The following FRK variants were observed in gnomAD, a reference collection of about 807,000 sequenced individuals.
FRK encodes fyn related Src family tyrosine kinase.
Under a neutral mutation model 56.4 loss-of-function variants are expected in FRK, and 51 were observed. That is an observed-to-expected ratio of 0.90 (90% CI 0.72 to 1.14). The LOEUF is 1.14. FRK is among the 50% of genes most tolerant of loss of function. The pLI is 0.00. For synonymous variants in FRK, 245 were observed against 217.9 expected (o/e 1.12, Z -1.10); for missense variants, 570 against 601.4 (o/e 0.95, Z 0.55).
At chr6:116,076,283 AATTT>A in the FRK span, among the ~76,000 whole-genome samples, 1 of 152,216 alleles carries the variant, frequency 6.6e-6, no homozygotes. Flanking sequence ...ATGTATATCA[AATTT>A]ATTTATGCAA....
At position 116,023,737 on chromosome 6, in the gene FRK, G is replaced by A. The variant is rs73562554; in HGVS notation, c.345-19739C>T. On this transcript the variant is annotated intron_variant, in intron 1 of 7. Transcript: ENST00000606080. ...ATAAGGAGGCGAGGTTTAGGCGTTC[G>A]AAGCCAGCCTGGGCAACATACAAAC... Among the ~76,000 whole-genome samples the A allele has an allele frequency of 6.4e-3, 974 of 152,106 alleles. 9 individuals are homozygous for A. The highest frequency in any genetic ancestry group is 0.022 in the African/African-American group (913 of 41,494).
the FRK span, among the ~76,000 whole-genome samples, chr6:116,092,497 A>G: frequency 6.6e-6 from 1 of 152,014 alleles, no homozygotes; most frequent in Non-Finnish European, 1.5e-5. Context: ...ACTAAATCCA[A>G]TTTTTCTCGG....
chr6:116,026,542 A>AGAAGGAAGGAAGGAAG (rs10584062), intron 1 of FRK, among the ~76,000 whole-genome samples: 9 of 138,298 alleles, frequency 6.5e-5, no homozygotes, highest in African/African-American at 1.9e-4. Flanking sequence ...AAGGGAGGAA[A>AGAAGGAAGGAAGGAAG]GAAGGAAGGA....
At chr6:116,084,201 G>A in the FRK span, among the ~76,000 whole-genome samples, 2 of 152,136 alleles carry the variant, frequency 1.3e-5, no homozygotes, top group Non-Finnish European at 2.9e-5. Context: ...GCTCAAGTGT[G>A]AATGCAGACA....
Position 115,942,495 on chromosome 6 carries a change from T to G in FRK, c.1437A>C (p.Thr479=), listed in dbSNP as rs148599364. 2.7e-4 allele frequency: 435 copies of G among 1,613,820 alleles called. 3 individuals are homozygous for G. In the African/African-American group the frequency reaches 5.4e-3, roughly 20 times the overall value. Residue 479 remains threonine, a synonymous_variant, in exon 8 of 8, where the codon ACA becomes ACC. Coordinates refer to ENST00000606080, the MANE Select transcript of FRK (RefSeq NM_002031.3). ...CAAGTTTCCAACGCAGTGTCTCAAATGTAGGTCGTTCCTTAGGCTCTGCAT... is the reference window on the plus strand; with the variant it reads ...CAAGTTTCCAACGCAGTGTCTCAAAGGTAGGTCGTTCCTTAGGCTCTGCAT... ...CWNAEPKERP[T]FETLRWKLED... is the part of the protein sequence containing the mutation.
At chr6:116,022,712 G>C (rs181166307) in intron 1 of FRK, among the ~76,000 whole-genome samples, 8 of 152,112 alleles carry the variant, frequency 5.3e-5, no homozygotes, top group Admixed American at 5.2e-4. Flanking sequence ...CATACTCAAT[G>C]GTAAACTAAG....
At chr6:115,969,067 C>T (rs980891937) in intron 2 of FRK, among the ~76,000 whole-genome samples, 3 of 152,106 alleles carry the variant, frequency 2.0e-5, no homozygotes, top group African/African-American at 7.2e-5. Context: ...AAGAAGGACA[C>T]CTTACCATTT....
At chr6:115,997,464 A>C (rs1192632175) in intron 2 of FRK, among the ~76,000 whole-genome samples, 1 of 151,658 alleles carries the variant, frequency 6.6e-6, no homozygotes, top group East Asian at 1.9e-4. Flanking sequence ...GAGAATGGCT[A>C]TTTGTATGTT....
chr6:115,995,458 A>T (rs1368193673), intron 2 of FRK, among the ~76,000 whole-genome samples: 1 of 152,166 alleles, frequency 6.6e-6, no homozygotes, highest in Non-Finnish European at 1.5e-5. Flanking sequence ...TCCAAAGGGT[A>T]ATAATAGGCA....
At chr6:116,081,816 T>G in the FRK span, among the ~76,000 whole-genome samples, 398 of 152,296 alleles carry the variant, frequency 2.6e-3, 1 homozygote, top group African/African-American at 9.3e-3. Flanking sequence ...ATCCCTATTA[T>G]GCATCATATG....
At position 115,936,643 on chromosome 6, in the gene FRK, G is replaced by T. The variant is rs1772049901; in HGVS notation, c.*5771C>A. 1 of 152,152 alleles carries T rather than the reference G, an allele frequency of 6.6e-6. No individual in the cohort carries two copies. The highest frequency in any genetic ancestry group is 1.5e-5 in the Non-Finnish European group (1 of 68,036). 9.4% of individuals were successfully genotyped at this position (152,152 alleles called of 1,614,324 possible). ...AGAGAAGCACATAAATGACCTGATG[G>T]AGCTGAAAAATACAGCATGAGAACT... is the stretch of plus-strand genomic sequence containing the variant. On this transcript the variant is annotated 3_prime_UTR_variant, in exon 8 of 8. Coordinates refer to ENST00000606080, the MANE Select transcript of FRK (RefSeq NM_002031.3).
chr6:115,949,583 A>G (rs1772628142), intron 5 of FRK, among the ~76,000 whole-genome samples: 1 of 152,242 alleles, frequency 6.6e-6, no homozygotes, highest in Non-Finnish European at 1.5e-5. Context: ...GAAAGAATCA[A>G]TATTGTGAAA....
chr6:115,957,609 C>T (rs1180559381), intron 4 of FRK, among the ~76,000 whole-genome samples: 1 of 152,194 alleles, frequency 6.6e-6, no homozygotes, highest in African/African-American at 2.4e-5. Context: ...CATGGATAAG[C>T]TTTGACATTC....
In FRK at chr6:115,937,102, A is replaced by G. The variant is rs1012686854; in HGVS notation, c.*5312T>C. 2 of 152,240 alleles carry G rather than the reference A, an allele frequency of 1.3e-5. No homozygotes were observed. The highest frequency in any genetic ancestry group is 4.8e-5 in the African/African-American group (2 of 41,454). 9.4% of individuals were successfully genotyped at this position (152,240 alleles called of 1,614,324 possible). On this transcript the variant is annotated 3_prime_UTR_variant, in exon 8 of 8. Transcript: ENST00000606080. ...AAAGGTCAGGTTAGCCACAAAGGGAAGCCCATCAGACTAACAGAGGATCTC... is the reference window on the plus strand; with the variant it reads ...AAAGGTCAGGTTAGCCACAAAGGGAGGCCCATCAGACTAACAGAGGATCTC...
chr6:116,076,435 T>A, the FRK span, among the ~76,000 whole-genome samples: 3 of 152,270 alleles, frequency 2.0e-5, no homozygotes, highest in African/African-American at 7.2e-5. Flanking sequence ...TTCTTGATTT[T>A]AAAAATGATT....
chr6:116,076,807 TTC>T, the FRK span, among the ~76,000 whole-genome samples: 1 of 152,354 alleles, frequency 6.6e-6, no homozygotes, highest in East Asian at 1.9e-4. Flanking sequence ...TATGCACTGA[TTC>T]TCTAAGTTAA....
chr6:115,978,894 A>C (rs529447928), intron 2 of FRK, among the ~76,000 whole-genome samples: 1 of 152,266 alleles, frequency 6.6e-6, no homozygotes, highest in African/African-American at 2.4e-5. Context: ...TTTACAAAAA[A>C]TGAACAAAAT....
the FRK span, among the ~76,000 whole-genome samples, chr6:116,096,494 GCCAATCAGCACTCTGTAAAAACGCA>G: frequency 1.3e-5 from 2 of 151,510 alleles, no homozygotes; most frequent in African/African-American, 2.4e-5. Flanking sequence ...CTGTAAACAC[GCCAATCAGCACTCTGTAAAAACGCA>G]CCAATCAGCA....
intron 4 of FRK, among the ~76,000 whole-genome samples, chr6:115,960,485 C>T (rs1703319680): frequency 6.7e-6 from 1 of 150,228 alleles, no homozygotes; most frequent in Non-Finnish European, 1.5e-5. Context: ...CCCGCCATTG[C>T]CCAGGCTTGC....
Sources: gnomAD v4.1 joint callset for allele counts (sites outside exome capture counted in the v4.1 genomes callset) on GRCh38, gnomAD v4.1.1 for gene constraint, MANE v1.5 for transcripts, NCBI Gene and HGNC (gene_info 2026-07-23, HGNC 2026-07-21) for gene names.